The following SHANK2 variants were observed in gnomAD, a reference collection of about 807,000 sequenced individuals.
SHANK2 encodes the protein SH3 and multiple ankyrin repeat domains 2, also known as SH3 and multiple ankyrin repeat domains protein 2.
SHANK2 carries 43 observed loss-of-function variants against 133.7 expected under a neutral mutation model. The observed-to-expected ratio is 0.32, with a 90% CI of 0.25 to 0.41. The LOEUF (loss-of-function observed/expected upper bound fraction) is 0.41, where lower values mean the gene tolerates loss of function less well. SHANK2 is among the 10% of genes least tolerant of loss of function. SHANK2 has a pLI of 1.00. For missense variants in SHANK2, 1,994 were observed against 2,235.8 expected, an observed-to-expected ratio of 0.89 and a Z score of 2.18; for synonymous variants, 1,017 against 952.8, an observed-to-expected ratio of 1.07 and a Z score of -1.24.
At chr11:70,717,161 C>T (rs782712318) in intron 14 of SHANK2, among the ~76,000 whole-genome samples, 1 of 152,234 alleles carries the variant, frequency 6.6e-6, no homozygotes, top group Non-Finnish European at 1.5e-5. Context: ...AGCAGGCACG[C>T]TGCCCCAGGC....
intron 14 of SHANK2, among the ~76,000 whole-genome samples, chr11:70,748,893 G>T (rs1946698831): frequency 6.6e-6 from 1 of 152,170 alleles, no homozygotes; most frequent in African/African-American, 2.4e-5. Flanking sequence ...CAGATTAAAA[G>T]CCAGCACTGG....
intron 16 of SHANK2, 92 bp downstream of exon 16, chr11:70,661,500 TACAC>T (rs3837380): frequency 0.044 from 45,406 of 1,025,490 alleles, 474 homozygotes; most frequent in African/African-American, 0.11. Context: ...TGCAGGCGTA[TACAC>T]ACACACACAC....
In SHANK2 at chr11:70,909,729, A is replaced by G. The variant is rs1421340549; in HGVS notation, c.1108-13162T>C. Reference sequence around the variant, plus strand: ...AGTTCTCTTGCACAGCAGCCCAGGCACAGCCTCCCTGCTTAAAAAAGGCAA... The same window carrying G: ...AGTTCTCTTGCACAGCAGCCCAGGCGCAGCCTCCCTGCTTAAAAAAGGCAA... On this transcript the variant is annotated intron_variant, in intron 10 of 25. Transcript: ENST00000601538. 3.3e-5 allele frequency among the ~76,000 whole-genome samples: 5 copies of G among 152,232 alleles called. No individual in the cohort carries two copies. In the East Asian group the frequency reaches 9.6e-4, roughly 29 times the overall value.
chr11:70,669,886 G>A (rs1230291598), intron 15 of SHANK2, among the ~76,000 whole-genome samples: 3 of 152,236 alleles, frequency 2.0e-5, no homozygotes, highest in African/African-American at 7.2e-5. Context: ...GCTGGGGAAC[G>A]ATCAGTGTAT....
At chr11:70,802,659 T>A (rs1401623559) in intron 13 of SHANK2, among the ~76,000 whole-genome samples, 1 of 152,198 alleles carries the variant, frequency 6.6e-6, no homozygotes, top group African/African-American at 2.4e-5. Context: ...TGCTGGTGTC[T>A]GGGGTCACAA....
At chr11:70,725,955 TG>T (rs1170355875) in intron 14 of SHANK2, among the ~76,000 whole-genome samples, 1 of 152,150 alleles carries the variant, frequency 6.6e-6, no homozygotes. Context: ...CATAAAAACA[TG>T]TCGAAGCAGC....
intron 10 of SHANK2, among the ~76,000 whole-genome samples, chr11:70,912,079 CAAAAAAAAAAAAAAAAAAAAAA>C (rs536602235): frequency 3.7e-5 from 3 of 81,216 alleles, no homozygotes; most frequent in Non-Finnish European, 6.7e-5. Flanking sequence ...GAGACTCTGT[CAAAAAAAAAAAAAAAAAAAAAA>C]AAAAAAAAAA....
Position 70,616,920 on chromosome 11 carries a change from G to T in SHANK2, c.2061+42908C>A, listed in dbSNP as rs1398326031. Among the ~76,000 whole-genome samples the T allele has an allele frequency of 2.6e-5, 4 of 152,208 alleles. No individual in the cohort carries two copies. The East Asian group carries it at 7.7e-4, about 29-fold the overall frequency. On this transcript the variant is annotated intron_variant, in intron 17 of 25. Transcript: ENST00000601538. ...GGGTGCAGCAGCCAGGGGCAGAGCC[G>T]TGTGTGCTCCTGTGTGTGTCTATGA...
intron 11 of SHANK2, among the ~76,000 whole-genome samples, chr11:70,835,183 G>A (rs1278003199): frequency 6.6e-6 from 1 of 152,234 alleles, no homozygotes; most frequent in Non-Finnish European, 1.5e-5. Context: ...GGACACTACT[G>A]TGTGCGGGAC....
At chr11:71,080,858 T>G (rs2136002331) in intron 8 of SHANK2, among the ~76,000 whole-genome samples, 1 of 152,198 alleles carries the variant, frequency 6.6e-6, no homozygotes, top group East Asian at 1.9e-4. Flanking sequence ...GCTGGCCCAG[T>G]AGTCAAGGAG....
intron 11 of SHANK2, among the ~76,000 whole-genome samples, chr11:70,874,346 T>C (rs1436886956): frequency 6.6e-6 from 1 of 152,152 alleles, no homozygotes; most frequent in Non-Finnish European, 1.5e-5. Context: ...GATTTATCTA[T>C]CTATCTAATC....
chr11:70,801,390 G>A (rs1454080715), intron 13 of SHANK2, among the ~76,000 whole-genome samples: 2 of 152,210 alleles, frequency 1.3e-5, no homozygotes, highest in Non-Finnish European at 2.9e-5. Flanking sequence ...CAGGGGAATG[G>A]AGGAGGGGGC....
chr11:71,162,611 T>C (rs1357015444), intron 2 of SHANK2, among the ~76,000 whole-genome samples: 1 of 152,140 alleles, frequency 6.6e-6, no homozygotes, highest in Admixed American at 6.5e-5. Context: ...AATGGGGAAA[T>C]GTCAATTGCA....
At chr11:71,220,743 T>C (rs1269340230) in intron 2 of SHANK2, among the ~76,000 whole-genome samples, 2 of 151,742 alleles carry the variant, frequency 1.3e-5, no homozygotes, top group East Asian at 1.9e-4. Context: ...AGACAGAAAG[T>C]TGAATAGGGG....
intron 14 of SHANK2, among the ~76,000 whole-genome samples, chr11:70,780,605 GCTCTGTCACC>G: frequency 7.9e-6 from 1 of 127,380 alleles, no homozygotes; most frequent in East Asian, 2.3e-4. Context: ...ATAGAGTCTT[GCTCTGTCACC>G]CAGGCTGGAG....
At chr11:70,787,864 G>A (rs1947704309) in intron 14 of SHANK2, among the ~76,000 whole-genome samples, 1 of 152,148 alleles carries the variant, frequency 6.6e-6, no homozygotes, top group African/African-American at 2.4e-5. Flanking sequence ...GGCCACCCCT[G>A]CTTCTGAGCA....
chr11:70,950,125 C>T (rs1555086219), intron 10 of SHANK2: 2 of 456,372 alleles, frequency 4.4e-6, no homozygotes, highest in East Asian at 6.9e-5. Context: ...TGGCGCTGAC[C>T]TCAGCTCACT....
intron 3 of SHANK2, among the ~76,000 whole-genome samples, chr11:71,121,339 T>C (rs1219214298): frequency 6.6e-6 from 1 of 152,224 alleles, no homozygotes; most frequent in Non-Finnish European, 1.5e-5. Flanking sequence ...CCATACCCTA[T>C]GAATGTGATT....
chr11:70,786,386 C>T (rs919157350), intron 14 of SHANK2, among the ~76,000 whole-genome samples: 1 of 152,166 alleles, frequency 6.6e-6, no homozygotes, highest in South Asian at 2.1e-4. Context: ...AGCCACAGTG[C>T]CCTGCATGGC....
Sources: allele counts gnomAD v4.1 joint callset (sites outside exome capture counted in the v4.1 genomes callset), GRCh38; gene constraint gnomAD v4.1.1; transcripts MANE v1.5; gene names NCBI Gene and HGNC (gene_info 2026-07-23, HGNC 2026-07-21).